CSMD1: variants seen among roughly 807,000 people sequenced by gnomAD.
CSMD1 encodes CUB and sushi domain-containing protein 1.
Under a neutral mutation model 417.5 loss-of-function variants are expected in CSMD1, and 213 were observed. The observed-to-expected ratio is 0.51, with a 90% CI of 0.46 to 0.57. CSMD1 has a LOEUF of 0.57. CSMD1 is among the 20% of genes least tolerant of loss of function. The pLI is 0.00. For synonymous variants in CSMD1, 2,862 were observed against 1,736.8 expected, an observed-to-expected ratio of 1.65 and a Z score of -16.11; for missense variants, 6,923 against 4,529.7, an observed-to-expected ratio of 1.53 and a Z score of -15.17.
chr8:3,986,488 G>A (rs959747104), intron 5 of CSMD1, among the ~76,000 whole-genome samples: 2 of 152,072 alleles, frequency 1.3e-5, no homozygotes, highest in African/African-American at 4.8e-5. Context: ...TGACTTCCCT[G>A]GCTACCAAAA....
chr8:4,461,074 T>C (rs1799787717), intron 2 of CSMD1, among the ~76,000 whole-genome samples: 1 of 150,674 alleles, frequency 6.6e-6, no homozygotes, highest in African/African-American at 2.5e-5. Flanking sequence ...GTCCAAGTGC[T>C]ATTTATCTCA....
chr8:3,472,893 G>C (rs1054343899), intron 11 of CSMD1, among the ~76,000 whole-genome samples: 9 of 151,902 alleles, frequency 5.9e-5, no homozygotes, highest in African/African-American at 2.2e-4. Flanking sequence ...TGTTGGGGGA[G>C]TTTATTTTCC....
chr8:4,907,599 A>T (rs1445648217), intron 1 of CSMD1, among the ~76,000 whole-genome samples: 1 of 152,060 alleles, frequency 6.6e-6, no homozygotes, highest in Non-Finnish European at 1.5e-5. Flanking sequence ...TCACTCTGTT[A>T]CCCAAGCTGA....
At chr8:3,555,635 G>C (rs899625346) in intron 10 of CSMD1, among the ~76,000 whole-genome samples, 21 of 152,110 alleles carry the variant, frequency 1.4e-4, no homozygotes, top group Admixed American at 9.8e-4. Context: ...TAAATTTAAA[G>C]TAAATATGGA....
At chr8:3,335,148 C>T (rs156066) in intron 23 of CSMD1, among the ~76,000 whole-genome samples, 2,667 of 152,256 alleles carry the variant, frequency 0.018, 42 homozygotes, top group Middle Eastern at 0.024. Context: ...TCCTACACCA[C>T]TATGTTTCTC....
rs141621805 is a variant in CSMD1 at position 3,004,813 on chromosome 8, T to C, written c.8030-4682A>G. 1.2e-4 allele frequency among the ~76,000 whole-genome samples: 18 copies of C among 152,332 alleles called. No homozygotes were observed. The East Asian group carries it at 3.1e-3, about 26-fold the overall frequency. ...ATGGTCTGCTCCAGTGACTCCGTTT[T>C]ACACACTGTTCTACAAAATATGTCA... On this transcript the variant is annotated intron_variant, in intron 52 of 69. Coordinates refer to ENST00000635120, the MANE Select transcript of CSMD1 (RefSeq NM_033225.6).
intron 2 of CSMD1, among the ~76,000 whole-genome samples, chr8:4,420,788 A>C (rs894874832): frequency 2.0e-5 from 3 of 152,184 alleles, no homozygotes; most frequent in African/African-American, 7.2e-5. Flanking sequence ...TAGGACTCCC[A>C]ACATAAGAAT....
chr8:4,177,032 G>C (rs1385003748), intron 3 of CSMD1, among the ~76,000 whole-genome samples: 1 of 152,050 alleles, frequency 6.6e-6, no homozygotes, highest in Non-Finnish European at 1.5e-5. Context: ...GAGACAGAAA[G>C]TCAACAAGGA....
At chr8:3,967,317 G>A (rs1414254659) in intron 5 of CSMD1, among the ~76,000 whole-genome samples, 1 of 152,078 alleles carries the variant, frequency 6.6e-6, no homozygotes, top group East Asian at 1.9e-4. Flanking sequence ...CACCTGAATG[G>A]AAATGATGGT....
chr8:3,835,378 C>G (rs1482526899), intron 5 of CSMD1, among the ~76,000 whole-genome samples: 1 of 152,048 alleles, frequency 6.6e-6, no homozygotes, highest in Non-Finnish European at 1.5e-5. Context: ...CCATGGAATA[C>G]TACGCAGCCA....
intron 2 of CSMD1, among the ~76,000 whole-genome samples, chr8:4,436,412 C>G (rs1292156006): frequency 6.6e-6 from 1 of 152,024 alleles, no homozygotes; most frequent in Non-Finnish European, 1.5e-5. Context: ...TTTGTGTGTA[C>G]AGAGTAGATG....
At chr8:3,892,058 G>T (rs956610563) in intron 5 of CSMD1, among the ~76,000 whole-genome samples, 8 of 152,096 alleles carry the variant, frequency 5.3e-5, no homozygotes, top group African/African-American at 1.9e-4. Context: ...AGTCACATTT[G>T]GGTAAGGTTC....
At position 3,159,870 on chromosome 8, in the gene CSMD1, T is replaced by C. The variant is rs963259631; in HGVS notation, c.5845-1904A>G. 6.6e-5 allele frequency among the ~76,000 whole-genome samples: 10 copies of C among 152,312 alleles called. No individual in the cohort carries two copies. In the Middle Eastern group the frequency reaches 0.01, roughly 155 times the overall value. ...TATTTCTATTTTCTTCTCTGAGAGC[T>C]GTCATAATATCATTTATAAAAGAAC... On this transcript the variant is annotated intron_variant, in intron 38 of 69. Coordinates refer to ENST00000635120, the MANE Select transcript of CSMD1 (RefSeq NM_033225.6).
At chr8:3,600,855 C>A (rs1243416339) in intron 8 of CSMD1, among the ~76,000 whole-genome samples, 1 of 151,720 alleles carries the variant, frequency 6.6e-6, no homozygotes, top group African/African-American at 2.4e-5. Context: ...ATATTGCAAA[C>A]ACAGTATTTT....
chr8:4,456,463 T>C (rs1020352958), intron 2 of CSMD1, among the ~76,000 whole-genome samples: 1 of 152,118 alleles, frequency 6.6e-6, no homozygotes, highest in Non-Finnish European at 1.5e-5. Context: ...TTAACGAAAA[T>C]CACCAACAGA....
chr8:4,357,546 G>A (rs531648344), intron 3 of CSMD1, among the ~76,000 whole-genome samples: 4 of 151,860 alleles, frequency 2.6e-5, no homozygotes, highest in African/African-American at 7.3e-5. Flanking sequence ...GAAATGCACA[G>A]TTGGAAAAAA....
chr8:3,705,328 G>T (rs533637027), intron 7 of CSMD1, among the ~76,000 whole-genome samples: 26 of 152,310 alleles, frequency 1.7e-4, no homozygotes, highest in Admixed American at 1.3e-4. Context: ...GCTTCAGGGG[G>T]CTGCAGGAGG....
rs1000553173 is a variant in CSMD1 at position 4,565,673 on chromosome 8, T to G, written c.302+71669A>C. Among the ~76,000 whole-genome samples, 8 of 150,320 alleles carry G rather than the reference T, an allele frequency of 5.3e-5. No homozygotes were observed. In the East Asian group the frequency reaches 9.8e-4, roughly 18 times the overall value. ...CCGTTTGAACCAAGGAGGCAGAGGT[T>G]GCAGTGAGCTGGGATTGTGCCATTG... On this transcript the variant is annotated intron_variant, in intron 2 of 69. Transcript: ENST00000635120.
At chr8:4,503,258 T>C (rs976552579) in intron 2 of CSMD1, among the ~76,000 whole-genome samples, 3 of 152,136 alleles carry the variant, frequency 2.0e-5, no homozygotes, top group East Asian at 1.9e-4. Flanking sequence ...CACTTTGCCA[T>C]GGCAGCCTGC....
Sources: gnomAD v4.1 joint callset for allele counts (sites outside exome capture counted in the v4.1 genomes callset) on GRCh38, gnomAD v4.1.1 for gene constraint, MANE v1.5 for transcripts, NCBI Gene and HGNC (gene_info 2026-07-23, HGNC 2026-07-21) for gene names.